SPAG17: variants seen among roughly 807,000 people sequenced by gnomAD.
SPAG17 encodes sperm associated antigen 17, also known as sperm-associated antigen 17.
In SPAG17, 169 loss-of-function variants were observed where a neutral mutation model predicts 273.6. The observed-to-expected ratio is 0.62, with a 90% CI of 0.55 to 0.70. The LOEUF (loss-of-function observed/expected upper bound fraction) is 0.70. Ranked by LOEUF, SPAG17 falls within the 30% of genes least tolerant of loss-of-function variation. The pLI, the probability that SPAG17 is intolerant of heterozygous loss-of-function variation, is 0.00. For missense variants in SPAG17, 2,557 were observed against 2,627.8 expected (o/e 0.97, Z 0.59); for synonymous variants, 825 against 873.2 (o/e 0.94, Z 0.97).
chr1:118,081,437 A>G lies in SPAG17; in HGVS notation c.1968T>C (p.Thr656=). Residue 656 remains threonine (T), a synonymous_variant, in exon 14 of 49, where the codon ACT becomes ACC. Transcript: ENST00000336338. The part of the protein sequence containing the change: ...IRQQYVMKMN[T]QEAKQKADIK... The stretch of plus-strand genomic sequence containing the variant: ...TACCTGCTTTCTGCTTGGCCTCTTG[A>G]GTATTCATTTTCATGACATATTGCT... 6.2e-7 allele frequency: 1 copy of G among 1,613,780 alleles called. No individual in the cohort carries two copies.
At chr1:118,158,141 T>C (rs747821654) in intron 1 of SPAG17, among the ~76,000 whole-genome samples, 5 of 152,230 alleles carry the variant, frequency 3.3e-5, no homozygotes, top group South Asian at 2.1e-4. Flanking sequence ...ATCATGAACA[T>C]ATTATGTTTA....
intron 1 of SPAG17, among the ~76,000 whole-genome samples, chr1:118,182,436 C>T (rs2102413486): frequency 6.6e-6 from 1 of 152,250 alleles, no homozygotes; most frequent in Non-Finnish European, 1.5e-5. Context: ...CTTTGACTTT[C>T]TAATGCTGCT....
chr1:118,177,188 AAG>A (rs1174005789), intron 1 of SPAG17, among the ~76,000 whole-genome samples: 1 of 152,200 alleles, frequency 6.6e-6, no homozygotes, highest in Non-Finnish European at 1.5e-5. Flanking sequence ...TTATAAAGAA[AAG>A]AGGTTTAATG....
chr1:118,086,133 T>C (rs1358711425), intron 12 of SPAG17, 61 bp from the exon 13 acceptor site: 4 of 1,493,212 alleles, frequency 2.7e-6, no homozygotes, highest in African/African-American at 1.4e-5. Context: ...GCCTTATGCA[T>C]ATGGAGAAGG....
chr1:118,182,222 A>C (rs1660982739), intron 1 of SPAG17, among the ~76,000 whole-genome samples: 1 of 152,230 alleles, frequency 6.6e-6, no homozygotes, highest in African/African-American at 2.4e-5. Flanking sequence ...TTCCACTTAC[A>C]TGAAGTACCT....
chr1:117,982,264 C>T (rs961188583), intron 42 of SPAG17, among the ~76,000 whole-genome samples: 6 of 129,044 alleles, frequency 4.6e-5, no homozygotes, highest in East Asian at 4.3e-4. Flanking sequence ...TTTTTTGAGA[C>T]GGAGTCTTGC....
chr1:118,145,630 G>A (rs1481878143), intron 3 of SPAG17, among the ~76,000 whole-genome samples: 9 of 151,670 alleles, frequency 5.9e-5, no homozygotes, highest in Non-Finnish European at 8.8e-5. Context: ...AGAAAGGCCC[G>A]TAGAAATATT....
intron 15 of SPAG17, among the ~76,000 whole-genome samples, chr1:118,076,966 G>A (rs1224214341): frequency 2.6e-5 from 4 of 151,940 alleles, no homozygotes; most frequent in Non-Finnish European, 5.9e-5. Context: ...TCAACTCTCA[G>A]GTTTTTCATA....
Position 118,081,213 on chromosome 1 carries a change from A to G in SPAG17, c.2097T>C (p.Ala699=), listed in dbSNP as rs759735984. The change falls in exon 15 of 49, where the codon GCT becomes GCC. Residue 699 remains alanine, a synonymous_variant. Transcript: ENST00000336338. Reference sequence around the variant, plus strand: ...TCAAGTCAGAATGCTTCATATTGTTAGCATCACACTGACTAGGATCTGAAG... The same window carrying G: ...TCAAGTCAGAATGCTTCATATTGTTGGCATCACACTGACTAGGATCTGAAG... ...REPSDPSQCD[A]NNMKHSDLNN... is the part of the protein sequence containing the mutation. 3 of 1,614,020 alleles carry G rather than the reference A, an allele frequency of 1.9e-6. No homozygotes were observed. The highest frequency in any genetic ancestry group is 1.7e-5 in the Admixed American group (1 of 60,008).
intron 3 of SPAG17, among the ~76,000 whole-genome samples, chr1:118,133,391 A>G (rs951964806): frequency 2.0e-5 from 3 of 151,934 alleles, no homozygotes; most frequent in African/African-American, 7.3e-5. Flanking sequence ...GCCCTTGGAG[A>G]AGGGCAGGCT....
At chr1:118,024,229 T>C (rs1647460521) in intron 27 of SPAG17, among the ~76,000 whole-genome samples, 1 of 152,070 alleles carries the variant, frequency 6.6e-6, no homozygotes, top group Non-Finnish European at 1.5e-5. Flanking sequence ...ATTCTTACTA[T>C]TTTTTTCTTC....
Position 117,953,863 on chromosome 1 carries a change from CT to C in SPAG17, c.*186del. 4 of 693,868 alleles carry C rather than the reference CT, an allele frequency of 5.8e-6. No individual in the cohort carries two copies. Among genetic ancestry groups the C allele is most frequent in the South Asian group, 4.1e-5 (2 of 48,440 alleles). 43.0% of individuals were successfully genotyped at this position (693,868 alleles called of 1,614,324 possible). On this transcript the variant is annotated 3_prime_UTR_variant, in exon 49 of 49. Coordinates refer to ENST00000336338, the MANE Select transcript of SPAG17 (RefSeq NM_206996.4). ...AGAAAACCAAAAATGTCTTTAAATG[CT>C]TTTTGGCACTCTATTCGCACGTCTT...
At chr1:118,125,447 A>G (rs1463846480) in intron 3 of SPAG17, among the ~76,000 whole-genome samples, 1 of 152,194 alleles carries the variant, frequency 6.6e-6, no homozygotes, top group Non-Finnish European at 1.5e-5. Flanking sequence ...ATATTCACCT[A>G]CAGTGCTATA....
chr1:118,101,891 T>C lies in SPAG17; in HGVS notation c.483A>G (p.Lys161=), dbSNP rs1333643687. 2 of 1,613,436 alleles carry C rather than the reference T, an allele frequency of 1.2e-6. No individual in the cohort carries two copies. The highest frequency in any genetic ancestry group is 2.2e-5 in the South Asian group (2 of 90,980). Residue 161 remains lysine (K), a synonymous_variant, in exon 5 of 49, where the codon AAA becomes AAG. Transcript: ENST00000336338. ...IEDKPKLEKD[K]GKAKSPKEKK... ...TCTCCTTGGGAGATTTTGCTTTCCC[T>C]TTATCCTTTTCTAACTTAGGTTTGT...
At chr1:118,132,322 A>C (rs1030331220) in intron 3 of SPAG17, among the ~76,000 whole-genome samples, 1 of 152,176 alleles carries the variant, frequency 6.6e-6, no homozygotes, top group Admixed American at 6.5e-5. Flanking sequence ...CCCAGGAAGA[A>C]GGACTGAGGC....
intron 30 of SPAG17, among the ~76,000 whole-genome samples, chr1:118,009,482 G>A (rs1659250138): frequency 6.6e-6 from 1 of 152,132 alleles, no homozygotes; most frequent in Non-Finnish European, 1.5e-5. Flanking sequence ...GGCTTTTAGA[G>A]TCTTTGAGCA....
At position 118,091,722 on chromosome 1, in the gene SPAG17, T is replaced by C. The variant is rs1293037821; in HGVS notation, c.1247-4A>G. ...TCAGTTGTGATGACTGAAGTCACTG[T>C]AAAATATAGAAAATACCATTGCCCA... On this transcript the variant is annotated splice_region_variant and splice_polypyrimidine_tract_variant and intron_variant, in intron 9 of 48. Transcript: ENST00000336338. 6 of 1,559,238 alleles carry C rather than the reference T, an allele frequency of 3.8e-6. No homozygotes were observed. The highest frequency in any genetic ancestry group is 1.4e-5 in the African/African-American group (1 of 73,738).
intron 47 of SPAG17, chr1:117,966,215 G>A (rs1653822942): frequency 6.4e-6 from 1 of 157,338 alleles, no homozygotes; most frequent in African/African-American, 2.4e-5. Flanking sequence ...ATATCTGTTT[G>A]GCTGAAGACA....
intron 20 of SPAG17, among the ~76,000 whole-genome samples, chr1:118,048,135 G>C (rs963364502): frequency 6.6e-6 from 1 of 152,152 alleles, no homozygotes; most frequent in African/African-American, 2.4e-5. Flanking sequence ...GTGGACCCAG[G>C]CTTGCCTCCA....
Sources: gnomAD v4.1 joint callset for allele counts (sites outside exome capture counted in the v4.1 genomes callset) on GRCh38, gnomAD v4.1.1 for gene constraint, MANE v1.5 for transcripts, NCBI Gene and HGNC (gene_info 2026-07-23, HGNC 2026-07-21) for gene names.